The following PGCKA1 variants were observed in gnomAD, a reference collection of about 807,000 sequenced individuals.
PGCKA1 encodes PDCD10 and GCKIII kinases-associated protein 1.
At chr4:37,524,248 G>A in the PGCKA1 span, among the ~76,000 whole-genome samples, 8 of 152,208 alleles carry the variant, frequency 5.3e-5, no homozygotes, top group Non-Finnish European at 1.2e-4. Context: ...TAAAACAATA[G>A]TAAATATGTA....
At chr4:37,582,164 CT>C in the PGCKA1 span, among the ~76,000 whole-genome samples, 1 of 152,200 alleles carries the variant, frequency 6.6e-6, no homozygotes, top group Admixed American at 6.5e-5. Flanking sequence ...TCAAGATTGT[CT>C]TTCCTACTAC....
chr4:37,491,095 A>G, the PGCKA1 span, among the ~76,000 whole-genome samples: 1 of 152,198 alleles, frequency 6.6e-6, no homozygotes, highest in African/African-American at 2.4e-5. Flanking sequence ...AGGTTCCTTA[A>G]GGAAAAGAGC....
the PGCKA1 span, among the ~76,000 whole-genome samples, chr4:37,565,980 T>C: frequency 6.6e-6 from 1 of 152,144 alleles, no homozygotes; most frequent in African/African-American, 2.4e-5. Flanking sequence ...GCTGGACACT[T>C]CCTGCCTCAA....
chr4:37,564,300 AAAAC>A, the PGCKA1 span, among the ~76,000 whole-genome samples: 312 of 151,456 alleles, frequency 2.1e-3, no homozygotes, highest in African/African-American at 7.0e-3. Context: ...AGAAAGAAAA[AAAAC>A]CGAATATTCT....
At chr4:37,517,149 G>T in the PGCKA1 span, among the ~76,000 whole-genome samples, 1 of 151,808 alleles carries the variant, frequency 6.6e-6, no homozygotes, top group Non-Finnish European at 1.5e-5. Context: ...TATTCAGGAG[G>T]CTGAGGCAGG....
the PGCKA1 span, among the ~76,000 whole-genome samples, chr4:37,468,113 T>C: frequency 0.021 from 3,212 of 152,296 alleles, 99 homozygotes; most frequent in African/African-American, 0.062. Flanking sequence ...CGGAAGGAAA[T>C]GGCATGGCCG....
At chr4:37,525,191 T>A in the PGCKA1 span, among the ~76,000 whole-genome samples, 1 of 152,222 alleles carries the variant, frequency 6.6e-6, no homozygotes, top group Non-Finnish European at 1.5e-5. Context: ...CTGGGCTATG[T>A]ACATAATTGT....
chr4:37,514,426 CTTAAGAT>C, the PGCKA1 span, among the ~76,000 whole-genome samples: 2 of 152,056 alleles, frequency 1.3e-5, no homozygotes, highest in Non-Finnish European at 2.9e-5. Flanking sequence ...GATGATATAT[CTTAAGAT>C]TTAAGATTAT....
the PGCKA1 span, among the ~76,000 whole-genome samples, chr4:37,511,782 C>T: frequency 1.3e-5 from 2 of 152,164 alleles, no homozygotes; most frequent in Non-Finnish European, 2.9e-5. Context: ...GGGTAGGGTA[C>T]TGGTCAGAGT....
At chr4:37,553,105 C>T in the PGCKA1 span, among the ~76,000 whole-genome samples, 1 of 138,104 alleles carries the variant, frequency 7.2e-6, no homozygotes, top group Non-Finnish European at 1.6e-5. Context: ...TCCCATAACG[C>T]TTAGTGCTGA....
chr4:37,572,773 T>C, the PGCKA1 span, among the ~76,000 whole-genome samples: 1 of 152,238 alleles, frequency 6.6e-6, no homozygotes, highest in Non-Finnish European at 1.5e-5. Flanking sequence ...ATATTTTTAA[T>C]AATTTGTGCA....
At chr4:37,504,904 C>G in the PGCKA1 span, among the ~76,000 whole-genome samples, 1 of 152,058 alleles carries the variant, frequency 6.6e-6, no homozygotes, top group African/African-American at 2.4e-5. Flanking sequence ...ATCTGGATGC[C>G]CTTTATTTCT....
the PGCKA1 span, among the ~76,000 whole-genome samples, chr4:37,499,558 A>G: frequency 1.1e-4 from 17 of 152,076 alleles, no homozygotes; most frequent in Admixed American, 3.3e-4. Flanking sequence ...GAATTTATCA[A>G]TTTCTTTTAG....
chr4:37,577,414 G>A, the PGCKA1 span, among the ~76,000 whole-genome samples: 5 of 151,876 alleles, frequency 3.3e-5, no homozygotes, highest in Admixed American at 6.6e-5. Flanking sequence ...AGTATCAGTC[G>A]TAATGTCTTC....
chr4:37,463,866 C>T, the PGCKA1 span, among the ~76,000 whole-genome samples: 1 of 151,696 alleles, frequency 6.6e-6, no homozygotes, highest in South Asian at 2.1e-4. Flanking sequence ...AACTGCAACC[C>T]TTGACAGGCA....
the PGCKA1 span, among the ~76,000 whole-genome samples, chr4:37,512,050 C>T: frequency 6.6e-6 from 1 of 152,200 alleles, no homozygotes; most frequent in Non-Finnish European, 1.5e-5. Context: ...AATCACTGTG[C>T]TCTCCCTCTT....
At chr4:37,526,195 T>A in the PGCKA1 span, among the ~76,000 whole-genome samples, 1 of 152,242 alleles carries the variant, frequency 6.6e-6, no homozygotes, top group East Asian at 1.9e-4. Flanking sequence ...GTTATCTAAT[T>A]GCTTCGTGTG....
chr4:37,461,074 A>G, the PGCKA1 span: 1 of 204,998 alleles, frequency 4.9e-6, no homozygotes, highest in South Asian at 6.3e-5. Flanking sequence ...TTTTCCCAGC[A>G]CCACATATTA....
At chr4:37,591,190 C>A in the PGCKA1 span, 2 of 565,950 alleles carry the variant, frequency 3.5e-6, no homozygotes, top group Non-Finnish European at 6.2e-6. Flanking sequence ...GAGTTTCACT[C>A]TGTGTAGATG....
Sources: allele counts gnomAD v4.1 joint callset (sites outside exome capture counted in the v4.1 genomes callset), GRCh38; gene constraint gnomAD v4.1.1; transcripts MANE v1.5; gene names NCBI Gene and HGNC (gene_info 2026-07-23, HGNC 2026-07-21).